DCHS2: variants seen among roughly 807,000 people sequenced by gnomAD.
DCHS2 encodes dachsous cadherin-related 2.
In DCHS2, 142 loss-of-function variants were observed where a neutral mutation model predicts 182.4. The ratio of observed to expected loss-of-function variants is 0.78; its 90% confidence interval spans 0.68 to 0.89. The LOEUF is 0.89. Among genes scored for constraint, DCHS2 ranks in the 40% least tolerant of loss-of-function variants. The pLI is 0.00. For synonymous variants in DCHS2, 1,740 were observed against 1,663.3 expected (o/e 1.05, Z -1.12); for missense variants, 4,319 against 4,198.6 (o/e 1.03, Z -0.79).
rs1560789387 is a variant in DCHS2, at chr4:154,489,921, CG to C, written c.1434del (p.Phe478LeufsTer42). On this transcript the variant is annotated frameshift_variant, in exon 1 of 20. Coordinates refer to ENST00000357232, the MANE Select transcript of DCHS2 (RefSeq NM_001358235.2). LOFTEE classifies it high-confidence loss of function. ...SLSLEGGEGD[F>X]ALLPGGPPGV... Reference sequence around the variant, plus strand: ...CCTGGGGGGCCGCCGGGTAGCAACGCGAAGTCTCCCTCTCCGCCTTCCAAGG... The same window carrying C: ...CCTGGGGGGCCGCCGGGTAGCAACGCAAGTCTCCCTCTCCGCCTTCCAAGG... 1.3e-6 allele frequency: 2 copies of C among 1,538,550 alleles called. No homozygotes were observed. The highest frequency in any genetic ancestry group is 4.0e-5 in the Admixed American group (2 of 49,764).
At chr4:154,297,585 C>T (rs1296593206) in intron 13 of DCHS2, among the ~76,000 whole-genome samples, 1 of 152,214 alleles carries the variant, frequency 6.6e-6, no homozygotes. Flanking sequence ...TCCCCATCCA[C>T]TTATTCATTA....
At chr4:154,266,955 T>C (rs1454450577) in intron 14 of DCHS2, among the ~76,000 whole-genome samples, 1 of 152,208 alleles carries the variant, frequency 6.6e-6, no homozygotes, top group African/African-American at 2.4e-5. Context: ...TACTTCTTCA[T>C]CAAGCATGTC....
chr4:154,343,626 T>C, intron 3 of DCHS2: 1 of 1,502,000 alleles, frequency 6.7e-7, no homozygotes, highest in Non-Finnish European at 8.9e-7. Flanking sequence ...TTCTGCAGCT[T>C]CCTCATCTCT....
chr4:154,381,222 A>C (rs1212815764), intron 1 of DCHS2, among the ~76,000 whole-genome samples: 1 of 152,102 alleles, frequency 6.6e-6, no homozygotes, highest in Non-Finnish European at 1.5e-5. Context: ...TGAATCTGAT[A>C]CTTTTCACTG....
Position 154,234,727 on chromosome 4 carries a change from G to A in DCHS2, c.9925C>T (p.Pro3309Ser), listed in dbSNP as rs1731368107. The A allele has an allele frequency of 6.2e-7, 1 of 1,613,808 alleles. No individual in the cohort carries two copies. Among genetic ancestry groups the A allele is most frequent in the African/African-American group, 1.3e-5 (1 of 74,868 alleles). The part of the protein sequence containing the change: ...VNLGQVPPKH[P>S]RSPIPYHLGS... The stretch of plus-strand genomic sequence containing the variant: ...AGATGGTAGGGGATGGGAGAGCGTG[G>A]GTGTTTCGGAGGCACCTGCCCCAGG... The change falls in exon 20 of 20, where the codon CCA becomes TCA. Residue 3309 changes from proline to serine, a missense_variant. Pro to Ser is a moderately conservative substitution (Grantham distance 74). Transcript: ENST00000357232.
At chr4:154,483,212 C>T (rs557086644) in intron 1 of DCHS2, among the ~76,000 whole-genome samples, 3 of 151,748 alleles carry the variant, frequency 2.0e-5, no homozygotes, top group East Asian at 3.9e-4. Flanking sequence ...TACAACCGAA[C>T]AGAGAAGGAA....
intron 3 of DCHS2, among the ~76,000 whole-genome samples, chr4:154,339,839 A>C (rs1257710063): frequency 6.6e-6 from 1 of 152,232 alleles, no homozygotes; most frequent in East Asian, 1.9e-4. Flanking sequence ...AACACTATGT[A>C]AAGTTTGAAT....
At chr4:154,280,207 A>G (rs1203304713) in intron 13 of DCHS2, among the ~76,000 whole-genome samples, 1 of 152,160 alleles carries the variant, frequency 6.6e-6, no homozygotes, top group African/African-American at 2.4e-5. Flanking sequence ...GAAACCTGTA[A>G]TTAGTAAGGT....
chr4:154,400,380 T>C (rs1026037156), intron 1 of DCHS2, among the ~76,000 whole-genome samples: 1 of 151,392 alleles, frequency 6.6e-6, no homozygotes, highest in Admixed American at 6.6e-5. Context: ...GCAGAATGTC[T>C]TTCCAGGGTC....
At chr4:154,250,400 A>G (rs1038847304) in intron 16 of DCHS2, among the ~76,000 whole-genome samples, 1 of 152,176 alleles carries the variant, frequency 6.6e-6, no homozygotes, top group Non-Finnish European at 1.5e-5. Flanking sequence ...TTCATTTTAC[A>G]CATTTTCCCT....
In DCHS2 at chr4:154,245,662, C is replaced by T. The variant is rs372482778; in HGVS notation, c.6942-2890G>A. Reference sequence around the variant, plus strand: ...TACACAGGTTTTATCTTCCCTTCCTCTCAAGATTCTTCTAAAATGATATCA... The same window carrying T: ...TACACAGGTTTTATCTTCCCTTCCTTTCAAGATTCTTCTAAAATGATATCA... On this transcript the variant is annotated intron_variant, in intron 16 of 19. Transcript: ENST00000357232. Among the ~76,000 whole-genome samples, 5 of 152,242 alleles carry T rather than the reference C, an allele frequency of 3.3e-5. No individual in the cohort carries two copies. The East Asian group carries it at 7.7e-4, about 23-fold the overall frequency.
chr4:154,338,976 T>C (rs920736984), intron 3 of DCHS2, among the ~76,000 whole-genome samples: 3 of 152,142 alleles, frequency 2.0e-5, no homozygotes, highest in Non-Finnish European at 4.4e-5. Flanking sequence ...TATCTACATA[T>C]AGAGATAGAT....
chr4:154,282,450 C>T (rs1194628361), intron 13 of DCHS2, among the ~76,000 whole-genome samples: 2 of 151,392 alleles, frequency 1.3e-5, no homozygotes, highest in African/African-American at 4.9e-5. Context: ...AAATCAAAAC[C>T]ACAAGATATT....
At chr4:154,337,827 G>A (rs146488057) in intron 3 of DCHS2, among the ~76,000 whole-genome samples, 3,491 of 151,958 alleles carry the variant, frequency 0.023, 128 homozygotes, top group South Asian at 0.16. Context: ...TGTGACCTCC[G>A]CCTCCTGGGT....
At chr4:154,237,682 G>A (rs1390341435) in intron 19 of DCHS2, 1 of 152,156 alleles carries the variant, frequency 6.6e-6, no homozygotes, top group African/African-American at 2.4e-5. Flanking sequence ...TTCCCTTATT[G>A]CTGAAATGTA....
chr4:154,363,366 A>G (rs1730210779), intron 3 of DCHS2, among the ~76,000 whole-genome samples: 1 of 152,220 alleles, frequency 6.6e-6, no homozygotes, highest in South Asian at 2.1e-4. Flanking sequence ...TATACACAAT[A>G]GAGTACTATT....
At chr4:154,260,773 T>C (rs1732950691) in intron 14 of DCHS2, among the ~76,000 whole-genome samples, 1 of 152,168 alleles carries the variant, frequency 6.6e-6, no homozygotes, top group African/African-American at 2.4e-5. Flanking sequence ...GTTTATAAGC[T>C]CCATACACCA....
chr4:154,408,831 G>A (rs1224499652), intron 1 of DCHS2, among the ~76,000 whole-genome samples: 6 of 152,034 alleles, frequency 3.9e-5, no homozygotes, highest in Admixed American at 3.3e-4. Context: ...AGTAAGCAAG[G>A]GGACCCCAGC....
At chr4:154,484,878 T>C (rs147350949) in intron 1 of DCHS2, among the ~76,000 whole-genome samples, 26 of 152,354 alleles carry the variant, frequency 1.7e-4, no homozygotes, top group Middle Eastern at 3.4e-3. Context: ...TGGTTCTCTT[T>C]TGGAGATGAT....
Sources: gnomAD v4.1 joint callset for allele counts (sites outside exome capture counted in the v4.1 genomes callset) on GRCh38, gnomAD v4.1.1 for gene constraint, MANE v1.5 for transcripts, NCBI Gene and HGNC (gene_info 2026-07-23, HGNC 2026-07-21) for gene names.